Variants in TSHZ1 observed in about 807,000 individuals in gnomAD.
TSHZ1 encodes teashirt zinc finger homeobox 1.
In TSHZ1, 12 loss-of-function variants were observed where a neutral mutation model predicts 67.1. The observed-to-expected ratio is 0.18, with a 90% CI of 0.11 to 0.29. The LOEUF (loss-of-function observed/expected upper bound fraction) is 0.29. Among genes scored for constraint, TSHZ1 ranks in the 10% least tolerant of loss-of-function variants. The pLI is 1.00. For missense variants in TSHZ1, 1,305 were observed against 1,413.9 expected (o/e 0.92, Z 1.23); for synonymous variants, 632 against 622.4 (o/e 1.02, Z -0.23).
intron 1 of TSHZ1, among the ~76,000 whole-genome samples, chr18:75,264,250 AAT>A (rs2023463941): frequency 6.6e-6 from 1 of 152,250 alleles, no homozygotes; most frequent in Non-Finnish European, 1.5e-5. Context: ...AATTGAAAAC[AAT>A]ATGTCATCCA....
intron 1 of TSHZ1, among the ~76,000 whole-genome samples, chr18:75,272,983 A>G (rs1243474917): frequency 1.3e-5 from 2 of 152,212 alleles, no homozygotes; most frequent in African/African-American, 4.8e-5. Context: ...TGAAGGGGAC[A>G]CACCTTCTGC....
At chr18:75,240,493 G>A (rs1324739012) in intron 1 of TSHZ1, among the ~76,000 whole-genome samples, 1 of 152,098 alleles carries the variant, frequency 6.6e-6, no homozygotes, top group Non-Finnish European at 1.5e-5. Flanking sequence ...TGTGTGCCGC[G>A]TCCTGCAGTG....
At chr18:75,269,467 C>T (rs570528506) in intron 1 of TSHZ1, among the ~76,000 whole-genome samples, 1 of 151,818 alleles carries the variant, frequency 6.6e-6, no homozygotes, top group East Asian at 1.9e-4. Flanking sequence ...GAATCATGAG[C>T]TGGGGGAAGT....
chr18:75,259,304 C>T (rs1366977615), intron 1 of TSHZ1, among the ~76,000 whole-genome samples: 1 of 152,180 alleles, frequency 6.6e-6, no homozygotes, highest in Admixed American at 6.5e-5. Context: ...CCCGCTTATC[C>T]TCAGTTTTGC....
chr18:75,241,543 C>T (rs143537250), intron 1 of TSHZ1, among the ~76,000 whole-genome samples: 184 of 152,194 alleles, frequency 1.2e-3, no homozygotes, highest in African/African-American at 4.0e-3. Flanking sequence ...TTGATGTCCG[C>T]GGATGGGAAG....
At chr18:75,242,397 T>C (rs956867636) in intron 1 of TSHZ1, among the ~76,000 whole-genome samples, 1 of 152,198 alleles carries the variant, frequency 6.6e-6, no homozygotes, top group African/African-American at 2.4e-5. Flanking sequence ...CCTATCACTT[T>C]ACCAGGTGGG....
chr18:75,213,935 C>A (rs2022732813), intron 1 of TSHZ1, among the ~76,000 whole-genome samples: 1 of 152,104 alleles, frequency 6.6e-6, no homozygotes, highest in Admixed American at 6.5e-5. Context: ...AGGGAAAAAA[C>A]CCTAAAAAAT....
intron 1 of TSHZ1, among the ~76,000 whole-genome samples, chr18:75,242,207 A>T (rs1473092456): frequency 6.6e-6 from 1 of 152,144 alleles, no homozygotes; most frequent in Non-Finnish European, 1.5e-5. Flanking sequence ...ATTTGGTTTG[A>T]TAACCAATAG....
intron 1 of TSHZ1, among the ~76,000 whole-genome samples, chr18:75,256,472 A>G (rs2023363132): frequency 6.6e-6 from 1 of 152,190 alleles, no homozygotes; most frequent in African/African-American, 2.4e-5. Flanking sequence ...CCTAAATAAG[A>G]TATGATATCA....
chr18:75,288,695 A>G lies in TSHZ1; in HGVS notation c.*54A>G. On this transcript the variant is annotated 3_prime_UTR_variant, in exon 2 of 2. Coordinates refer to ENST00000580243, the MANE Select transcript of TSHZ1 (RefSeq NM_001308210.2). This position sits in a 1 kb window ranked among gnomAD's most constrained non-coding sequence, Gnocchi z 4.9. ...ATTGCACTAAACGTCGTCGAGCTGC[A>G]CTAGGCCTGGCCTGAGCCTCTGAAA... is the stretch of plus-strand genomic sequence containing the variant. 3.3e-6 allele frequency: 5 copies of G among 1,526,492 alleles called. No homozygotes were observed. The highest frequency in any genetic ancestry group is 2.6e-6 in the Non-Finnish European group (3 of 1,138,872). The allele number at this position is 1,526,492 out of a possible 1,614,324, so 94.6% of individuals were successfully genotyped here. A position where few individuals can be genotyped will look rare whatever the true frequency, so the allele number is the denominator to read the frequency against.
chr18:75,261,364 C>A (rs2023428492), intron 1 of TSHZ1, among the ~76,000 whole-genome samples: 1 of 152,224 alleles, frequency 6.6e-6, no homozygotes. Flanking sequence ...ACAACAGTCA[C>A]CTCTTTACAG....
chr18:75,234,145 G>A (rs531296073), intron 1 of TSHZ1, among the ~76,000 whole-genome samples: 1 of 152,160 alleles, frequency 6.6e-6, no homozygotes, highest in Non-Finnish European at 1.5e-5. Flanking sequence ...AATCTTGCAC[G>A]GCAACAGCCA....
chr18:75,246,095 A>G (rs2023218299), intron 1 of TSHZ1, among the ~76,000 whole-genome samples: 1 of 152,218 alleles, frequency 6.6e-6, no homozygotes, highest in African/African-American at 2.4e-5. Context: ...CGTGGATTCA[A>G]CCAAGACCTG....
chr18:75,265,737 C>T (rs546947499), intron 1 of TSHZ1, among the ~76,000 whole-genome samples: 120 of 152,270 alleles, frequency 7.9e-4, no homozygotes, highest in Middle Eastern at 6.8e-3. Context: ...ACTTTCTAGA[C>T]GAGACCCCTT....
chr18:75,239,059 A>C (rs555793644), intron 1 of TSHZ1, among the ~76,000 whole-genome samples: 2 of 152,232 alleles, frequency 1.3e-5, no homozygotes, highest in South Asian at 4.1e-4. Context: ...GCGGCCACGC[A>C]AGATGGGAGG....
chr18:75,232,815 C>T (rs1241575734), intron 1 of TSHZ1, among the ~76,000 whole-genome samples: 1 of 152,206 alleles, frequency 6.6e-6, no homozygotes. Flanking sequence ...TTGCAACATC[C>T]TCAGCTTAAA....
chr18:75,271,750 C>T (rs531943111), intron 1 of TSHZ1, among the ~76,000 whole-genome samples: 41 of 150,534 alleles, frequency 2.7e-4, no homozygotes, highest in African/African-American at 9.5e-4. Context: ...CTGGTCCCCT[C>T]CCCACCCCCT....
intron 1 of TSHZ1, among the ~76,000 whole-genome samples, chr18:75,282,208 C>T (rs1442970429): frequency 6.6e-6 from 1 of 152,110 alleles, no homozygotes; most frequent in Non-Finnish European, 1.5e-5. Flanking sequence ...TGTCTTGGAG[C>T]GTGGTCTGGA....
At chr18:75,229,100 G>T (rs2022962871) in intron 1 of TSHZ1, among the ~76,000 whole-genome samples, 1 of 152,246 alleles carries the variant, frequency 6.6e-6, no homozygotes, top group Non-Finnish European at 1.5e-5. Context: ...CCCTGGGCGG[G>T]GCAGGTGTTG....
Sources: allele counts gnomAD v4.1 joint callset (sites outside exome capture counted in the v4.1 genomes callset), GRCh38; gene constraint gnomAD v4.1.1; non-coding constraint Gnocchi (gnomAD v3.1); transcripts MANE v1.5; gene names NCBI Gene and HGNC (gene_info 2026-07-23, HGNC 2026-07-21).